Variants in MARCHF5 observed in about 807,000 individuals in gnomAD.
MARCHF5 encodes the protein E3 ubiquitin-protein ligase MARCHF5.
Under a neutral mutation model 36.5 loss-of-function variants are expected in MARCHF5, and 5 were observed. The ratio of observed to expected loss-of-function variants is 0.14; its 90% CI spans 0.07 to 0.29. The LOEUF is 0.29. Among genes scored for constraint, MARCHF5 ranks in the 10% least tolerant of loss-of-function variants. MARCHF5 has a pLI of 1.00. For missense variants in MARCHF5, 179 were observed against 336.3 expected, an observed-to-expected ratio of 0.53 and a Z score of 3.66; for synonymous variants, 103 against 109.9, an observed-to-expected ratio of 0.94 and a Z score of 0.39.
In MARCHF5 at chr10:92,298,287, A is replaced by G. The variant is rs187631638; in HGVS notation, c.35+6758A>G. Among the ~76,000 whole-genome samples the G allele has an allele frequency of 6.6e-5, 10 of 152,056 alleles. No homozygotes were observed. In the East Asian group the frequency reaches 1.5e-3, roughly 24 times the overall value. ...ATCACGTTACCTTTTTCTTCCTTCA[A>G]TTTCTATGTATGGTTCAATTCTCAG... On this transcript the variant is annotated intron_variant, in intron 1 of 5. Coordinates refer to ENST00000358935, the MANE Select transcript of MARCHF5 (RefSeq NM_017824.5).
At chr10:92,334,625 C>A (rs991491219) in intron 2 of MARCHF5, 1 of 152,206 alleles carries the variant, frequency 6.6e-6, no homozygotes, top group African/African-American at 2.4e-5. Context: ...TATTACCTAC[C>A]TGCCCTTCAG....
At chr10:92,327,418 T>G (rs1222636311) in intron 2 of MARCHF5, among the ~76,000 whole-genome samples, 4 of 152,076 alleles carry the variant, frequency 2.6e-5, no homozygotes, top group Admixed American at 6.6e-5. Flanking sequence ...CCTCCATTGA[T>G]GGACATACAG....
rs1397211377 is a variant in MARCHF5, at chr10:92,307,214, C to CGTGTGT, written c.36-3920_36-3919insTGTGTG. 2.3e-4 allele frequency among the ~76,000 whole-genome samples: 19 copies of CGTGTGT among 82,388 alleles called. No individual in the cohort carries two copies. The East Asian group carries it at 5.8e-3, about 25-fold the overall frequency. 54.0% of individuals were successfully genotyped at this position (82,388 alleles called of 152,430 possible). A position where few individuals can be genotyped will look rare whatever the true frequency, so the allele number is the denominator to read the frequency against. ...GTGTGTGTGTGTGTGTGTGTGTGTG[C>CGTGTGT]GCGTGCATGCACGCACGTGCCCTCC... On this transcript the variant is annotated intron_variant, in intron 1 of 5. Coordinates refer to ENST00000358935, the MANE Select transcript of MARCHF5 (RefSeq NM_017824.5).
chr10:92,335,982 G>C (rs1020820148), intron 2 of MARCHF5, among the ~76,000 whole-genome samples: 7 of 152,208 alleles, frequency 4.6e-5, no homozygotes, highest in African/African-American at 1.7e-4. Flanking sequence ...TAGGAACTTG[G>C]GGTAAATCAA....
intron 5 of MARCHF5, among the ~76,000 whole-genome samples, chr10:92,350,489 G>A (rs1238649889): frequency 6.6e-6 from 1 of 152,226 alleles, no homozygotes; most frequent in African/African-American, 2.4e-5. Flanking sequence ...AAGAGATAGT[G>A]AGAAGCAGGG....
chr10:92,314,675 G>C (rs1843185717), intron 2 of MARCHF5, among the ~76,000 whole-genome samples: 2 of 150,010 alleles, frequency 1.3e-5, no homozygotes. Context: ...TCCTTCATTT[G>C]AGTAGGTATT....
intron 2 of MARCHF5, among the ~76,000 whole-genome samples, chr10:92,326,512 A>G (rs990570264): frequency 6.6e-6 from 1 of 152,216 alleles, no homozygotes; most frequent in Non-Finnish European, 1.5e-5. Context: ...TTCTAGTACC[A>G]TAAGAACTAA....
chr10:92,313,395 G>A (rs1252354499), intron 2 of MARCHF5, among the ~76,000 whole-genome samples: 1 of 151,106 alleles, frequency 6.6e-6, no homozygotes, highest in East Asian at 2.0e-4. Flanking sequence ...ACGAGGTCAG[G>A]AGATCGAGAC....
At chr10:92,322,739 T>C (rs955413261) in intron 2 of MARCHF5, among the ~76,000 whole-genome samples, 1 of 150,958 alleles carries the variant, frequency 6.6e-6, no homozygotes, top group Admixed American at 6.6e-5. Context: ...GCCCTTTTTT[T>C]TTTCTTTCTT....
intron 3 of MARCHF5, among the ~76,000 whole-genome samples, chr10:92,347,598 A>T (rs971118684): frequency 7.2e-5 from 11 of 152,184 alleles, no homozygotes; most frequent in Non-Finnish European, 1.6e-4. Flanking sequence ...TAAAACAGTC[A>T]TGGCCAGCTA....
rs1405269530 is a variant in MARCHF5 at position 92,351,916 on chromosome 10, G to GTGTGTGTGTGTATT, written c.*720_*721insATTTGTGTGTGTGT. On this transcript the variant is annotated 3_prime_UTR_variant, in exon 6 of 6. Transcript: ENST00000358935. ...CTCATGCAGTCGTGTGTGTGTGTGT[G>GTGTGTGTGTGTATT]TGTGTGTGTGTGTGTGTGTGTGTAT... 2 of 151,544 alleles carry GTGTGTGTGTGTATT rather than the reference G, an allele frequency of 1.3e-5. No homozygotes were observed. Among genetic ancestry groups the GTGTGTGTGTGTATT allele is most frequent in the Non-Finnish European group, 3.0e-5 (2 of 67,744 alleles). 9.4% of individuals were successfully genotyped at this position (151,544 alleles called of 1,614,324 possible). A position where few individuals can be genotyped will look rare whatever the true frequency, so the allele number is the denominator to read the frequency against.
intron 1 of MARCHF5, among the ~76,000 whole-genome samples, chr10:92,297,558 G>A (rs1337870957): frequency 6.9e-6 from 1 of 144,498 alleles, no homozygotes; most frequent in Non-Finnish European, 1.5e-5. Flanking sequence ...GCGTGGTCTC[G>A]GCTCACTGTT....
chr10:92,335,938 A>G (rs1323609503), intron 2 of MARCHF5, among the ~76,000 whole-genome samples: 2 of 152,262 alleles, frequency 1.3e-5, no homozygotes, highest in African/African-American at 4.8e-5. Context: ...TTCCAAGTAC[A>G]AGACAATTCA....
At chr10:92,295,677 G>T (rs552207106) in intron 1 of MARCHF5, among the ~76,000 whole-genome samples, 1 of 151,776 alleles carries the variant, frequency 6.6e-6, no homozygotes, top group African/African-American at 2.4e-5. Flanking sequence ...CACAGTGCTG[G>T]GATTACAGGC....
At chr10:92,349,945 A>G (rs1843697800) in intron 5 of MARCHF5, 108 bp downstream of exon 5, 1 of 834,762 alleles carries the variant, frequency 1.2e-6, no homozygotes, top group Non-Finnish European at 1.9e-6. Context: ...GCTCCTATGC[A>G]TTAAGCCTCT....
chr10:92,317,752 C>CTT (rs61127922), intron 2 of MARCHF5, among the ~76,000 whole-genome samples: 27 of 135,140 alleles, frequency 2.0e-4, no homozygotes, highest in East Asian at 8.5e-4. Flanking sequence ...AATCTGAATG[C>CTT]TTTTTTTTTT....
At chr10:92,313,380 A>G (rs566965485) in intron 2 of MARCHF5, among the ~76,000 whole-genome samples, 33 of 152,116 alleles carry the variant, frequency 2.2e-4, no homozygotes, top group South Asian at 6.2e-4. Flanking sequence ...CAAGGCTGGC[A>G]GATCACGAGG....
chr10:92,320,230 T>TA lies in MARCHF5; in HGVS notation c.238+8894dup, dbSNP rs771186164. On this transcript the variant is annotated intron_variant, in intron 2 of 5. Coordinates refer to ENST00000358935, the MANE Select transcript of MARCHF5 (RefSeq NM_017824.5). ...CACCAAACCTGGCTAATTTTTTTTT[T>TA]ATTTTTTGTAGAGACAAGGTCGTGC... 2.0e-3 allele frequency among the ~76,000 whole-genome samples: 291 copies of TA among 145,988 alleles called. 2 individuals carry two copies. Among genetic ancestry groups the TA allele is most frequent in the East Asian group, 9.9e-4 (5 of 5,034 alleles).
intron 2 of MARCHF5, among the ~76,000 whole-genome samples, chr10:92,339,567 C>T (rs1194048642): frequency 1.2e-4 from 18 of 150,854 alleles, no homozygotes; most frequent in Admixed American, 4.0e-4. Context: ...CTACTCAGGA[C>T]GCTGAGGCAG....
Sources: gnomAD v4.1 joint callset for allele counts (sites outside exome capture counted in the v4.1 genomes callset) on GRCh38, gnomAD v4.1.1 for gene constraint, MANE v1.5 for transcripts, NCBI Gene and HGNC (gene_info 2026-07-23, HGNC 2026-07-21) for gene names.